ZNF175: variants seen among roughly 807,000 people sequenced by gnomAD.
ZNF175 encodes the protein zinc finger protein OTK18.
ZNF175 carries 8 observed loss-of-function variants against 14.0 expected under a neutral mutation model. The observed-to-expected ratio is 0.57, with a 90% CI of 0.34 to 1.03. The LOEUF (loss-of-function observed/expected upper bound fraction) is 1.03, where lower values mean the gene tolerates loss of function less well. Among genes scored for constraint, ZNF175 ranks in the 50% least tolerant of loss-of-function variants. The pLI is 0.03. For synonymous variants in ZNF175, 255 were observed against 296.8 expected, an observed-to-expected ratio of 0.86 and a Z score of 1.45; for missense variants, 764 against 849.5, an observed-to-expected ratio of 0.90 and a Z score of 1.25.
rs1342516807 is a variant in ZNF175 at position 51,587,112 on chromosome 19, T to C, written c.781T>C (p.Cys261Arg). 11 of 1,614,218 alleles carry C rather than the reference T, an allele frequency of 6.8e-6. No individual in the cohort carries two copies. Among genetic ancestry groups the C allele is most frequent in the Non-Finnish European group, 8.5e-6 (10 of 1,180,034 alleles). ...FCKGNQCRKV[C>R]GHKQSLKQHQ... is the part of the protein sequence containing the mutation. Reference sequence around the variant, plus strand: ...CAAAGGTAACCAGTGTAGAAAAGTCTGTGGCCATAAACAGTCACTCAAGCA... The same window carrying C: ...CAAAGGTAACCAGTGTAGAAAAGTCCGTGGCCATAAACAGTCACTCAAGCA... Residue 261 changes from cysteine (C) to arginine (R), a missense_variant, in exon 5 of 5, where the codon TGT (cysteine) becomes CGT (arginine). By Grantham distance (180) the Cys-to-Arg change is radical. Coordinates refer to ENST00000262259, the MANE Select transcript of ZNF175 (RefSeq NM_007147.4).
At chr19:51,573,648 C>G in intron 2 of ZNF175, 1 of 482,916 alleles carries the variant, frequency 2.1e-6, no homozygotes, top group Non-Finnish European at 3.6e-6. Context: ...CTGGTCTGAT[C>G]AGAAGCCCCA....
intron 4 of ZNF175, among the ~76,000 whole-genome samples, chr19:51,584,811 T>G (rs891526011): frequency 6.6e-6 from 1 of 152,136 alleles, no homozygotes; most frequent in Non-Finnish European, 1.5e-5. Context: ...TTAGAATGGC[T>G]ACAATTAAAA....
rs1200517825 is a variant in ZNF175, at chr19:51,589,592, T to C, written c.*1125T>C. The C allele has an allele frequency of 1.4e-5, 10 of 701,986 alleles. No homozygotes were observed. Among genetic ancestry groups the C allele is most frequent in the Non-Finnish European group, 2.3e-5 (9 of 384,786 alleles). 43.5% of individuals were successfully genotyped at this position (701,986 alleles called of 1,614,324 possible). ...CCCTTTCCATCTCCACCATCTATAG[T>C]GAGCCTCTCCATAATTAGTGCCAAC... On this transcript the variant is annotated 3_prime_UTR_variant, in exon 5 of 5. Transcript: ENST00000262259.
chr19:51,577,953 G>A (rs368519316), intron 2 of ZNF175, among the ~76,000 whole-genome samples: 76 of 150,984 alleles, frequency 5.0e-4, no homozygotes, highest in South Asian at 1.0e-3. Flanking sequence ...GTGAGCCACC[G>A]CACCTGGCAT....
rs7259431 is a variant in ZNF175, at chr19:51,592,183, C to G, written c.*3716C>G. The G allele has an allele frequency of 0.99, 161,985 of 164,240 alleles. 79,903 individuals are homozygous for G. Among genetic ancestry groups the G allele is most frequent in the East Asian group, 1 (5,337 of 5,338 alleles). 10.2% of individuals were successfully genotyped at this position (164,240 alleles called of 1,614,324 possible). ...TTGATCCATCCTTTGACTGTTGTGGCGATTGGCACAAAGGTTGGGCACAGT... is the reference window on the plus strand; with the variant it reads ...TTGATCCATCCTTTGACTGTTGTGGGGATTGGCACAAAGGTTGGGCACAGT... On this transcript the variant is annotated 3_prime_UTR_variant, in exon 5 of 5. Transcript: ENST00000262259.
chr19:51,583,790 C>T (rs911885112), intron 4 of ZNF175, among the ~76,000 whole-genome samples: 7 of 152,266 alleles, frequency 4.6e-5, no homozygotes, highest in Admixed American at 3.9e-4. Flanking sequence ...GAATAGTTTT[C>T]ATCACTCATG....
chr19:51,575,819 C>T (rs1028309802), intron 2 of ZNF175, among the ~76,000 whole-genome samples: 6 of 152,140 alleles, frequency 3.9e-5, no homozygotes, highest in Admixed American at 2.6e-4. Context: ...TGCTTTTACC[C>T]GCTTCCTCAT....
chr19:51,588,382 C>G lies in ZNF175; in HGVS notation c.2051C>G (p.Ser684Ter), dbSNP rs374536354. The G allele has an allele frequency of 3.1e-6, 5 of 1,612,092 alleles. No homozygotes were observed. Among genetic ancestry groups the G allele is most frequent in the African/African-American group, 1.3e-5 (1 of 74,790 alleles). The part of the protein sequence containing the change: ...SECGKAFNNR[S>*]NFNKHQTTHT... ...TGTGGAAAGGCCTTCAACAACAGGT[C>G]AAACTTCAATAAACACCAAACAACT... The change falls in exon 5 of 5, where the codon TCA (serine) becomes TGA (stop). Residue 684 changes from serine (S) to a stop codon, truncating the protein, a stop_gained. Coordinates refer to ENST00000262259, the MANE Select transcript of ZNF175 (RefSeq NM_007147.4). LOFTEE classifies it low-confidence loss of function (END_TRUNC).
Position 51,587,183 on chromosome 19 carries a change from TG to T in ZNF175, c.858del (p.Ser287AlafsTer17). Reference protein sequence around the residue: ...QKKPDGCSECGGSFTQKSHLF... With the variant: ...QKKPDGCSECXGSFTQKSHLF... ...AGAAACCAGATGGATGTTCTGAATGTGGGGGGAGCTTCACCCAGAAGTCACA... is the reference window on the plus strand; with the variant it reads ...AGAAACCAGATGGATGTTCTGAATGTGGGGGAGCTTCACCCAGAAGTCACA... On this transcript the variant is annotated frameshift_variant, in exon 5 of 5. Coordinates refer to ENST00000262259, the MANE Select transcript of ZNF175 (RefSeq NM_007147.4). LOFTEE classifies it low-confidence loss of function (END_TRUNC). 3 of 1,614,180 alleles carry T rather than the reference TG, an allele frequency of 1.9e-6. No homozygotes were observed. The highest frequency in any genetic ancestry group is 2.2e-5 in the East Asian group (1 of 44,894).
intron 2 of ZNF175, 192 bp downstream of exon 2, chr19:51,573,593 T>C: frequency 1.7e-6 from 1 of 578,438 alleles, no homozygotes; most frequent in South Asian, 2.4e-5. Flanking sequence ...TAAAAGAGGA[T>C]AGTAGAGGGT....
chr19:51,582,037 G>T lies in ZNF175; in HGVS notation c.295+155G>T, dbSNP rs78908998. 3.9e-3 allele frequency among the ~76,000 whole-genome samples: 599 copies of T among 152,208 alleles called. 28 individuals are homozygous for T. In the East Asian group the frequency reaches 0.079, roughly 20 times the overall value. On this transcript the variant is annotated intron_variant, in intron 4 of 4. Coordinates refer to ENST00000262259, the MANE Select transcript of ZNF175 (RefSeq NM_007147.4). ...CAAACACTGTAAATGTGCTATAAAT[G>T]TTAAATGTCCTATAGGGGCTGCCTT...
In ZNF175 at chr19:51,588,709, A is replaced by T. The variant is rs1207495320; in HGVS notation, c.*242A>T. ...GAGTACTGGCCTCATTAAGGATTAT[A>T]AATTTTCTCCCCGGGAAGAAACCCT... is the stretch of plus-strand genomic sequence containing the variant. On this transcript the variant is annotated 3_prime_UTR_variant, in exon 5 of 5. Coordinates refer to ENST00000262259, the MANE Select transcript of ZNF175 (RefSeq NM_007147.4). The T allele has an allele frequency of 6.7e-6, 3 of 447,218 alleles. No individual in the cohort carries two copies. Among genetic ancestry groups the T allele is most frequent in the Non-Finnish European group, 1.2e-5 (3 of 260,170 alleles). 27.7% of individuals were successfully genotyped at this position (447,218 alleles called of 1,614,324 possible).
In ZNF175 at chr19:51,589,349, T is replaced by C; in HGVS notation, c.*882T>C. The C allele has an allele frequency of 1.7e-6, 1 of 577,658 alleles. No homozygotes were observed. The highest frequency in any genetic ancestry group is 3.1e-6 in the Non-Finnish European group (1 of 327,824). 35.8% of individuals were successfully genotyped at this position (577,658 alleles called of 1,614,324 possible). A position where few individuals can be genotyped will look rare whatever the true frequency, so the allele number is the denominator to read the frequency against. Reference sequence around the variant, plus strand: ...CTGCATAGCAGGAGATGTAAGCAGATGAGTTATTTTTTAAGAGAATCTAAT... The same window carrying C: ...CTGCATAGCAGGAGATGTAAGCAGACGAGTTATTTTTTAAGAGAATCTAAT... On this transcript the variant is annotated 3_prime_UTR_variant, in exon 5 of 5. Coordinates refer to ENST00000262259, the MANE Select transcript of ZNF175 (RefSeq NM_007147.4).
In ZNF175 at chr19:51,587,831, G is replaced by A; in HGVS notation, c.1500G>A (p.Glu500=). The change falls in exon 5 of 5, where the codon GAG becomes GAA. Residue 500 remains glutamate (E), a synonymous_variant. Transcript: ENST00000262259. ...LDIHHRIHTG[E]KPYECSDCGK... is the part of the protein sequence containing the mutation. ...TACATCATCGAATTCATACAGGGGA[G>A]AAACCTTATGAATGCAGTGACTGTG... is the stretch of plus-strand genomic sequence containing the variant. The A allele has an allele frequency of 2.5e-6, 4 of 1,614,024 alleles. No homozygotes were observed. The highest frequency in any genetic ancestry group is 3.4e-6 in the Non-Finnish European group (4 of 1,180,010).
rs927030191 is a variant in ZNF175, at chr19:51,591,855, G to T, written c.*3388G>T. ...ACGATCTCAGCTCACTGCAAGCTCC[G>T]CCTCCCGGGTTCACGCCATTCTCCT... is the stretch of plus-strand genomic sequence containing the variant. On this transcript the variant is annotated 3_prime_UTR_variant, in exon 5 of 5. Coordinates refer to ENST00000262259, the MANE Select transcript of ZNF175 (RefSeq NM_007147.4). 7 of 149,346 alleles carry T rather than the reference G, an allele frequency of 4.7e-5. No homozygotes were observed. Among genetic ancestry groups the T allele is most frequent in the Non-Finnish European group, 7.4e-5 (5 of 67,610 alleles). 9.3% of individuals were successfully genotyped at this position (149,346 alleles called of 1,614,324 possible). A position where few individuals can be genotyped will look rare whatever the true frequency, so the allele number is the denominator to read the frequency against.
chr19:51,587,605 G>T lies in ZNF175; in HGVS notation c.1274G>T (p.Gly425Val). Residue 425 changes from glycine to valine, a missense_variant, in exon 5 of 5, where the codon GGG (glycine) becomes GTG (valine). Gly to Val is a moderately radical substitution (Grantham distance 109). Transcript: ENST00000262259. ...AGACAGTATGCATGCAGTGAATGTG[G>T]GAAAGCCTTTACCCAGAAGTCAACA... Reference protein sequence around the residue: ...GERQYACSECGKAFTQKSTLS... With the variant: ...GERQYACSECVKAFTQKSTLS... 1 of 1,614,140 alleles carries T rather than the reference G, an allele frequency of 6.2e-7. No individual in the cohort carries two copies. Among genetic ancestry groups the T allele is most frequent in the Middle Eastern group, 1.6e-4 (1 of 6,062 alleles).
Position 51,587,486 on chromosome 19 carries a change from C to T in ZNF175, c.1155C>T (p.His385=), listed in dbSNP as rs1424061674. Residue 385 remains histidine, a synonymous_variant, in exon 5 of 5, where the codon CAC becomes CAT. Coordinates refer to ENST00000262259, the MANE Select transcript of ZNF175 (RefSeq NM_007147.4). ...CTCTCTTCAGACATCAGAGAACTCA[C>T]AGTAGAGAAAAACTCTATGAATGCA... ...MLSLFRHQRT[H]SREKLYECSE... is the part of the protein sequence containing the mutation. The T allele has an allele frequency of 3.1e-6, 5 of 1,614,056 alleles. No individual in the cohort carries two copies. The highest frequency in any genetic ancestry group is 2.2e-5 in the East Asian group (1 of 44,896).
intron 2 of ZNF175, among the ~76,000 whole-genome samples, chr19:51,577,165 G>C (rs1981819520): frequency 6.6e-6 from 1 of 152,166 alleles, no homozygotes; most frequent in South Asian, 2.1e-4. Context: ...TCATATATTT[G>C]CATATTTAAT....
At chr19:51,576,793 CTTGAATCCT>C (rs1981803936) in intron 2 of ZNF175, among the ~76,000 whole-genome samples, 1 of 96,674 alleles carries the variant, frequency 1.0e-5, no homozygotes, top group South Asian at 4.2e-4. Context: ...TGAATCCTTT[CTTGAATCCT>C]TTGGCTTTCT....
Sources: allele counts gnomAD v4.1 joint callset (sites outside exome capture counted in the v4.1 genomes callset), GRCh38; gene constraint gnomAD v4.1.1; transcripts MANE v1.5; gene names NCBI Gene and HGNC (gene_info 2026-07-23, HGNC 2026-07-21).